RABGAP1L: variants seen among roughly 807,000 people sequenced by gnomAD.
RABGAP1L encodes RAB GTPase activating protein 1 like.
In RABGAP1L, 63 loss-of-function variants were observed where a neutral mutation model predicts 137.7. The ratio of observed to expected loss-of-function variants is 0.46; its 90% confidence interval spans 0.37 to 0.56. RABGAP1L has a LOEUF of 0.56. RABGAP1L is among the 20% of genes least tolerant of loss of function. RABGAP1L has a pLI of 0.00. For missense variants in RABGAP1L, 1,095 were observed against 1,244.0 expected (o/e 0.88, Z 1.80); for synonymous variants, 431 against 433.7 (o/e 0.99, Z 0.08).
chr1:174,651,621 G>C (rs1338773808), intron 14 of RABGAP1L, among the ~76,000 whole-genome samples: 2 of 151,962 alleles, frequency 1.3e-5, no homozygotes, highest in East Asian at 3.9e-4. Context: ...ATCTTTGTTG[G>C]TTTAAAGTCT....
chr1:174,689,172 A>G (rs1478631885), intron 15 of RABGAP1L, among the ~76,000 whole-genome samples: 1 of 152,010 alleles, frequency 6.6e-6, no homozygotes, highest in Non-Finnish European at 1.5e-5. Flanking sequence ...AGAGTAAAAT[A>G]AAATTAAAAA....
At chr1:174,650,012 ATACC>A (rs1476361894) in intron 14 of RABGAP1L, among the ~76,000 whole-genome samples, 1 of 152,148 alleles carries the variant, frequency 6.6e-6, no homozygotes, top group Non-Finnish European at 1.5e-5. Context: ...CGTCCCATCA[ATACC>A]TAATTTATTG....
At chr1:174,187,559 C>T (rs1018144213) in intron 1 of RABGAP1L, among the ~76,000 whole-genome samples, 1 of 152,020 alleles carries the variant, frequency 6.6e-6, no homozygotes. Flanking sequence ...GAAGTGTGTA[C>T]ATCCAAGTAT....
chr1:174,717,501 C>A (rs1439698407), intron 17 of RABGAP1L, among the ~76,000 whole-genome samples: 1 of 151,964 alleles, frequency 6.6e-6, no homozygotes, highest in Non-Finnish European at 1.5e-5. Context: ...TTTTTTGTTC[C>A]CGTTAAATAG....
intron 13 of RABGAP1L, among the ~76,000 whole-genome samples, chr1:174,588,085 C>T (rs1399101727): frequency 1.3e-5 from 2 of 151,910 alleles, no homozygotes; most frequent in Admixed American, 6.6e-5. Flanking sequence ...CGGCTGGTCT[C>T]GAACTTCTGA....
At chr1:174,599,923 G>C (rs985719232) in intron 13 of RABGAP1L, among the ~76,000 whole-genome samples, 1 of 151,974 alleles carries the variant, frequency 6.6e-6, no homozygotes, top group East Asian at 1.9e-4. Context: ...TGTCTACCCT[G>C]GTCTACCTCT....
Position 174,849,637 on chromosome 1 carries a change from A to G in RABGAP1L, c.2340+37677A>G, listed in dbSNP as rs1162902749. The G allele has an allele frequency of 1.8e-5, 7 of 384,546 alleles. No individual in the cohort carries two copies. In the East Asian group the frequency reaches 4.9e-4, roughly 27 times the overall value. The allele number at this position is 384,546 out of a possible 1,614,324, so 23.8% of individuals were successfully genotyped here. A position where few individuals can be genotyped will look rare whatever the true frequency, so the allele number is the denominator to read the frequency against. Reference sequence around the variant, plus strand: ...GAAAAATGAGAAAATATACAGGATGAGAAGTACACTTAGGAATTTGTTGTG... The same window carrying G: ...GAAAAATGAGAAAATATACAGGATGGGAAGTACACTTAGGAATTTGTTGTG... On this transcript the variant is annotated intron_variant, in intron 19 of 25. Transcript: ENST00000681986.
intron 1 of RABGAP1L, among the ~76,000 whole-genome samples, chr1:174,162,777 G>T (rs903792888): frequency 0.014 from 707 of 51,158 alleles, no homozygotes; most frequent in East Asian, 0.024. Context: ...TTCTCTTTCT[G>T]TTTTTTTTTT....
intron 19 of RABGAP1L, among the ~76,000 whole-genome samples, chr1:174,955,341 C>A (rs1289660769): frequency 1.3e-5 from 2 of 152,070 alleles, no homozygotes; most frequent in Non-Finnish European, 2.9e-5. Flanking sequence ...TGTGAAACTT[C>A]CCAATTGTGG....
chr1:174,550,901 C>CAG lies in RABGAP1L; in HGVS notation c.1711-86473_1711-86472insGA, dbSNP rs1476748167. The stretch of plus-strand genomic sequence containing the variant: ...ATATATATATATATATATATACACA[C>CAG]ACACATATACACACACACACATATA... On this transcript the variant is annotated intron_variant, in intron 13 of 25. Coordinates refer to ENST00000681986, the MANE Select transcript of RABGAP1L (RefSeq NM_001366446.1). Among the ~76,000 whole-genome samples, 2 of 92,180 alleles carry CAG rather than the reference C, an allele frequency of 2.2e-5. 1 individual carries two copies. The highest frequency in any genetic ancestry group is 7.5e-4 in the East Asian group (2 of 2,668). The allele number at this position is 92,180 out of a possible 152,430, so 60.5% of individuals were successfully genotyped here.
chr1:174,346,912 T>C lies in RABGAP1L; in HGVS notation c.1466-24067T>C, dbSNP rs767309560. On this transcript the variant is annotated intron_variant, in intron 11 of 25. Transcript: ENST00000681986. Reference sequence around the variant, plus strand: ...TTGCTGTATCCCATAGGTTTTAGTATGTTCTGTTTTCATTTTCATTTGTTT... The same window carrying C: ...TTGCTGTATCCCATAGGTTTTAGTACGTTCTGTTTTCATTTTCATTTGTTT... Among the ~76,000 whole-genome samples, 5 of 152,132 alleles carry C rather than the reference T, an allele frequency of 3.3e-5. No individual in the cohort carries two copies. In the East Asian group the frequency reaches 9.6e-4, roughly 29 times the overall value.
chr1:174,349,742 C>T (rs1682898241), intron 11 of RABGAP1L, among the ~76,000 whole-genome samples: 1 of 141,104 alleles, frequency 7.1e-6, no homozygotes, highest in Non-Finnish European at 1.6e-5. Context: ...GCTGACCCCC[C>T]CACCTCCCTC....
At chr1:174,419,342 GT>G (rs1442405833) in intron 13 of RABGAP1L, among the ~76,000 whole-genome samples, 1 of 152,172 alleles carries the variant, frequency 6.6e-6, no homozygotes, top group African/African-American at 2.4e-5. Flanking sequence ...ACTACTACTA[GT>G]TAGGGATCTC....
chr1:174,263,952 A>G (rs1246581762), intron 7 of RABGAP1L, among the ~76,000 whole-genome samples: 1 of 152,010 alleles, frequency 6.6e-6, no homozygotes, highest in Non-Finnish European at 1.5e-5. Context: ...TTTAGTAAAT[A>G]TTGTTTAGTT....
chr1:174,723,444 G>T (rs1357634410), intron 17 of RABGAP1L, among the ~76,000 whole-genome samples: 2 of 152,158 alleles, frequency 1.3e-5, no homozygotes, highest in Admixed American at 6.5e-5. Flanking sequence ...ATTATACTGA[G>T]AGTAGTGATA....
At chr1:174,346,544 A>G (rs1449756765) in intron 11 of RABGAP1L, among the ~76,000 whole-genome samples, 1 of 152,078 alleles carries the variant, frequency 6.6e-6, no homozygotes, top group East Asian at 1.9e-4. Flanking sequence ...TGCTCATAGA[A>G]GTCTCTAATA....
chr1:174,371,058 G>T lies in RABGAP1L; in HGVS notation c.1545G>T (p.Glu515Asp). 6.7e-7 allele frequency: 1 copy of T among 1,493,628 alleles called. No individual in the cohort carries two copies. Among genetic ancestry groups the T allele is most frequent in the Non-Finnish European group, 9.1e-7 (1 of 1,100,864 alleles). 92.5% of individuals were successfully genotyped at this position (1,493,628 alleles called of 1,614,324 possible). Residue 515 changes from glutamate (E) to aspartate (D), a missense_variant, in exon 12 of 26, where the codon GAG (glutamate) becomes GAT (aspartate). Glu to Asp is a conservative substitution (Grantham distance 45). Around this residue, in one of 4 missense-constraint regions of RABGAP1L, gnomAD observed 315 missense variants for 324.8 expected, o/e 0.97. Coordinates refer to ENST00000681986, the MANE Select transcript of RABGAP1L (RefSeq NM_001366446.1). The stretch of plus-strand genomic sequence containing the variant: ...AGAAGATCCTGTATTCTTGGGGAGA[G>T]TTGCTAGGAAAATGGTAAAATTTTA... ...CPEKILYSWG[E>D]LLGKWHSNLG...
intron 17 of RABGAP1L, among the ~76,000 whole-genome samples, chr1:174,706,027 CAT>C (rs1421334567): frequency 4.6e-5 from 7 of 152,120 alleles, no homozygotes; most frequent in African/African-American, 1.7e-4. Flanking sequence ...TGATTTTTAA[CAT>C]GTGCAACATG....
chr1:174,946,913 A>ATATAT (rs1386058220), intron 19 of RABGAP1L, among the ~76,000 whole-genome samples: 20 of 51,614 alleles, frequency 3.9e-4, no homozygotes, highest in South Asian at 6.3e-4. Flanking sequence ...AAAAAAAAAA[A>ATATAT]AAAAATATAT....
Sources: allele counts gnomAD v4.1 joint callset (sites outside exome capture counted in the v4.1 genomes callset), GRCh38; gene constraint gnomAD v4.1.1; regional missense constraint gnomAD v4.1.1; transcripts MANE v1.5; gene names NCBI Gene and HGNC (gene_info 2026-07-23, HGNC 2026-07-21).